The following UNC13C variants were observed in gnomAD, a reference collection of about 807,000 sequenced individuals.
UNC13C encodes unc-13 homolog C.
In UNC13C, 174 loss-of-function variants were observed where a neutral mutation model predicts 245.4. The observed-to-expected ratio is 0.71, with a 90% CI of 0.63 to 0.80. The LOEUF (loss-of-function observed/expected upper bound fraction) is 0.80, where lower values mean the gene tolerates loss of function less well. Among genes scored for constraint, UNC13C ranks in the 30% least tolerant of loss-of-function variants. UNC13C has a pLI of 0.00. For missense variants in UNC13C, 2,829 were observed against 2,602.9 expected (o/e 1.09, Z -1.89); for synonymous variants, 992 against 895.1 (o/e 1.11, Z -1.93).
intron 17 of UNC13C, among the ~76,000 whole-genome samples, chr15:54,383,043 A>C (rs186379673): frequency 6.6e-5 from 10 of 152,328 alleles, no homozygotes; most frequent in Admixed American, 6.5e-4. Context: ...GCAACATTGA[A>C]TCAGTAATGG....
intron 1 of UNC13C, among the ~76,000 whole-genome samples, chr15:53,989,157 G>C (rs572768210): frequency 5.1e-4 from 78 of 151,938 alleles, no homozygotes; most frequent in African/African-American, 1.9e-3. Context: ...CAGCATACGG[G>C]TCAATATTTT....
chr15:54,128,836 G>T (rs773007940), intron 2 of UNC13C, among the ~76,000 whole-genome samples: 6 of 152,152 alleles, frequency 3.9e-5, no homozygotes, highest in Non-Finnish European at 7.4e-5. Flanking sequence ...GTACCTAATT[G>T]CTGCTTCCCA....
rs547580867 is a variant in UNC13C, at chr15:54,084,147, C to T, written c.2984-58871C>T. Among the ~76,000 whole-genome samples, 23 of 152,338 alleles carry T rather than the reference C, an allele frequency of 1.5e-4. No homozygotes were observed. In the South Asian group the frequency reaches 4.6e-3, roughly 30 times the overall value. ...GTCTCAGCCAGACTCTTGCTACTTT[C>T]CTTTTCTGCACCCCAGCTGTCCTGG... On this transcript the variant is annotated intron_variant, in intron 2 of 32. Coordinates refer to ENST00000260323, the MANE Select transcript of UNC13C (RefSeq NM_001080534.3).
At chr15:54,146,719 A>G (rs2032275615) in intron 4 of UNC13C, among the ~76,000 whole-genome samples, 2 of 152,314 alleles carry the variant, frequency 1.3e-5, no homozygotes, top group South Asian at 2.1e-4. Context: ...TTTATCATCT[A>G]TGTAAGCAAA....
At chr15:53,979,379 T>G (rs919200165) in intron 1 of UNC13C, among the ~76,000 whole-genome samples, 1 of 152,240 alleles carries the variant, frequency 6.6e-6, no homozygotes, top group African/African-American at 2.4e-5. Context: ...GCATCCAGTC[T>G]GAAGCAAAAG....
At chr15:54,284,908 T>C (rs2037102077) in intron 10 of UNC13C, among the ~76,000 whole-genome samples, 1 of 152,114 alleles carries the variant, frequency 6.6e-6, no homozygotes, top group African/African-American at 2.4e-5. Context: ...TTCTGCAACT[T>C]TATCTGCGGA....
intron 13 of UNC13C, among the ~76,000 whole-genome samples, chr15:54,317,250 T>C (rs1321782079): frequency 1.3e-5 from 2 of 151,980 alleles, no homozygotes; most frequent in African/African-American, 2.4e-5. Context: ...GAATAACATA[T>C]GTTAGCACTA....
At chr15:54,337,408 C>T in intron 16 of UNC13C, among the ~76,000 whole-genome samples, 1 of 152,088 alleles carries the variant, frequency 6.6e-6, no homozygotes, top group East Asian at 1.9e-4. Flanking sequence ...GCCTAATAGG[C>T]TTCTTAAACT....
At chr15:54,165,094 C>T (rs2033118744) in intron 4 of UNC13C, among the ~76,000 whole-genome samples, 1 of 152,018 alleles carries the variant, frequency 6.6e-6, no homozygotes, top group African/African-American at 2.4e-5. Flanking sequence ...TTTAAAAAGT[C>T]ACCTTCCCTT....
intron 1 of UNC13C, among the ~76,000 whole-genome samples, chr15:53,981,847 C>G (rs1893940371): frequency 6.6e-6 from 1 of 152,164 alleles, no homozygotes; most frequent in African/African-American, 2.4e-5. Flanking sequence ...TGAATCGTTT[C>G]TCCATCTCTT....
rs994500696 is a variant in UNC13C, at chr15:54,243,037, G to C, written c.3228+5347G>C. Among the ~76,000 whole-genome samples, 9 of 152,114 alleles carry C rather than the reference G, an allele frequency of 5.9e-5. No individual in the cohort carries two copies. The South Asian group carries it at 1.3e-3, about 21-fold the overall frequency. Reference sequence around the variant, plus strand: ...TGTGCAGGATGTGCTTGTTACACAGGTAAATGTGTGCCATGGTGGTTTGCT... The same window carrying C: ...TGTGCAGGATGTGCTTGTTACACAGCTAAATGTGTGCCATGGTGGTTTGCT... On this transcript the variant is annotated intron_variant, in intron 7 of 32. Transcript: ENST00000260323.
At chr15:54,485,672 A>G (rs1056725618) in intron 19 of UNC13C, among the ~76,000 whole-genome samples, 2 of 152,214 alleles carry the variant, frequency 1.3e-5, no homozygotes, top group African/African-American at 2.4e-5. Flanking sequence ...ACAAGATCCT[A>G]TGTGACCTAG....
intron 17 of UNC13C, among the ~76,000 whole-genome samples, chr15:54,367,164 T>TA (rs1172093971): frequency 6.6e-6 from 1 of 152,140 alleles, no homozygotes; most frequent in East Asian, 1.9e-4. Flanking sequence ...AAAGTACCAA[T>TA]AAAACAGAAG....
At chr15:54,244,078 C>G (rs1465003709) in intron 7 of UNC13C, among the ~76,000 whole-genome samples, 2 of 152,088 alleles carry the variant, frequency 1.3e-5, no homozygotes, top group Non-Finnish European at 2.9e-5. Flanking sequence ...ATGGTACTGC[C>G]TAGATTTTCT....
rs1595698906 is a variant in UNC13C, at chr15:54,003,049, C to T, written c.-256-9599C>T. Among the ~76,000 whole-genome samples, 5 of 152,242 alleles carry T rather than the reference C, an allele frequency of 3.3e-5. No individual in the cohort carries two copies. In the South Asian group the frequency reaches 1.0e-3, roughly 32 times the overall value. On this transcript the variant is annotated intron_variant, in intron 1 of 32. Coordinates refer to ENST00000260323, the MANE Select transcript of UNC13C (RefSeq NM_001080534.3). ...GGATCAGTGCTGTTCAAACTGCACT[C>T]CCCAACCTCAACGACTCTGTAGAGG...
At chr15:54,454,116 T>C (rs1891336077) in intron 19 of UNC13C, among the ~76,000 whole-genome samples, 1 of 143,794 alleles carries the variant, frequency 7.0e-6, no homozygotes, top group African/African-American at 2.7e-5. Flanking sequence ...TTTTATAATT[T>C]TTATTGTGAT....
At position 54,264,309 on chromosome 15, in the gene UNC13C, A is replaced by G. The variant is rs2036500135; in HGVS notation, c.3590A>G (p.Lys1197Arg). 6.2e-7 allele frequency: 1 copy of G among 1,604,942 alleles called. No homozygotes were observed. Among genetic ancestry groups the G allele is most frequent in the African/African-American group, 1.3e-5 (1 of 74,750 alleles). The change falls in exon 9 of 33, where the codon AAA becomes AGA. Residue 1197 changes from lysine to arginine, a missense_variant. Physicochemically the swap from Lys to Arg is conservative, Grantham distance 26. Coordinates refer to ENST00000260323, the MANE Select transcript of UNC13C (RefSeq NM_001080534.3). ...EVIQEMFQIS[K>R]EDFVQFTKAA... ...ATCCAGGAAATGTTTCAGATTTCTA[A>G]AGAAGATTTTGTGCAGTTTACAAAG...
At chr15:54,163,878 T>C (rs148652117) in intron 4 of UNC13C, among the ~76,000 whole-genome samples, 2 of 152,350 alleles carry the variant, frequency 1.3e-5, no homozygotes, top group Non-Finnish European at 2.9e-5. Context: ...TGAAGAATTA[T>C]AGTTCTCAGA....
At chr15:54,495,526 G>T (rs577114925) in intron 20 of UNC13C, among the ~76,000 whole-genome samples, 3 of 151,878 alleles carry the variant, frequency 2.0e-5, no homozygotes, top group Non-Finnish European at 2.9e-5. Flanking sequence ...TATAAAATTT[G>T]CCAGGTTACA....
Sources: allele counts gnomAD v4.1 joint callset (sites outside exome capture counted in the v4.1 genomes callset), GRCh38; gene constraint gnomAD v4.1.1; transcripts MANE v1.5; gene names NCBI Gene and HGNC (gene_info 2026-07-23, HGNC 2026-07-21).